The following COL6A6 variants were observed in gnomAD, a reference collection of about 807,000 sequenced individuals.
COL6A6 encodes collagen alpha-6(VI) chain.
Under a neutral mutation model 208.6 loss-of-function variants are expected in COL6A6, and 183 were observed. That is an observed-to-expected ratio of 0.88 (90% confidence interval 0.78 to 0.99). The LOEUF (loss-of-function observed/expected upper bound fraction) is 0.99, where lower values mean the gene tolerates loss of function less well. COL6A6 is among the 50% of genes least tolerant of loss of function. COL6A6 has a pLI of 0.00. For synonymous variants in COL6A6, 973 were observed against 1,011.8 expected, an observed-to-expected ratio of 0.96 and a Z score of 0.73; for missense variants, 2,816 against 2,815.2, an observed-to-expected ratio of 1.00 and a Z score of -0.01.
rs34491196 is a variant in COL6A6, at chr3:130,517,313, C to T, written c.-116C>T. On this transcript the variant is annotated 5_prime_UTR_variant, in exon 1 of 37. Coordinates refer to ENST00000358511, the MANE Select transcript of COL6A6 (RefSeq NM_001102608.3). ...AAACTCTGCGCTCCCCGCGGTGCGC[C>T]CTGCCCGCGCAGTGCGCGTCCAGAG... is the stretch of plus-strand genomic sequence containing the variant. Among the ~76,000 whole-genome samples the T allele has an allele frequency of 0.22, 34,096 of 152,252 alleles. 4,142 individuals are homozygous for T. Among genetic ancestry groups the T allele is most frequent in the African/African-American group, 0.31 (12,867 of 41,558 alleles).
intron 1 of COL6A6, among the ~76,000 whole-genome samples, chr3:130,557,392 T>G (rs1223465386): frequency 2.6e-5 from 4 of 152,214 alleles, no homozygotes; most frequent in African/African-American, 9.7e-5. Flanking sequence ...GTGCCAAGGA[T>G]TTATCCTGCA....
At chr3:130,543,344 A>G (rs1364413722) in intron 1 of COL6A6, among the ~76,000 whole-genome samples, 1 of 152,190 alleles carries the variant, frequency 6.6e-6, no homozygotes, top group Non-Finnish European at 1.5e-5. Context: ...TCAAATGATT[A>G]TTGATATAGT....
At position 130,568,237 on chromosome 3, in the gene COL6A6, A is replaced by G; in HGVS notation, c.2034A>G (p.Arg678=). ...DINKEEFQLN[R]FMSQSDISNA... Reference sequence around the variant, plus strand: ...ATAAGGAAGAGTTTCAGCTCAACAGATTCATGTCCCAAAGCGACATTTCAA... The same window carrying G: ...ATAAGGAAGAGTTTCAGCTCAACAGGTTCATGTCCCAAAGCGACATTTCAA... The change falls in exon 6 of 37, where the codon AGA becomes AGG. Residue 678 remains arginine (R), a synonymous_variant. Transcript: ENST00000358511. 1 of 1,614,010 alleles carries G rather than the reference A, an allele frequency of 6.2e-7. No homozygotes were observed. The highest frequency in any genetic ancestry group is 8.5e-7 in the Non-Finnish European group (1 of 1,179,890).
intron 33 of COL6A6, among the ~76,000 whole-genome samples, chr3:130,652,903 G>C (rs2065685012): frequency 6.6e-6 from 1 of 152,142 alleles, no homozygotes; most frequent in African/African-American, 2.4e-5. Context: ...CATGAAATTT[G>C]GTACCTGTGC....
At chr3:130,616,278 G>C (rs1313452508) in intron 23 of COL6A6, among the ~76,000 whole-genome samples, 1 of 152,078 alleles carries the variant, frequency 6.6e-6, no homozygotes, top group East Asian at 1.9e-4. Flanking sequence ...TGAGTGCTTT[G>C]TAATTTCAGG....
chr3:130,658,783 C>G lies in COL6A6; in HGVS notation c.5830+11C>G, dbSNP rs2065866935. 1 of 1,596,338 alleles carries G rather than the reference C, an allele frequency of 6.3e-7. No individual in the cohort carries two copies. Among genetic ancestry groups the G allele is most frequent in the Non-Finnish European group, 8.6e-7 (1 of 1,166,158 alleles). Reference sequence around the variant, plus strand: ...GCACTTTCTGCTATGGTAAGACCCACAGAGAGAAGGTAATTTGGTCAGGCC... The same window carrying G: ...GCACTTTCTGCTATGGTAAGACCCAGAGAGAGAAGGTAATTTGGTCAGGCC... On this transcript the variant is annotated intron_variant, in intron 34 of 36. Transcript: ENST00000358511.
chr3:130,596,972 A>G (rs558614845), intron 18 of COL6A6, among the ~76,000 whole-genome samples: 11 of 152,360 alleles, frequency 7.2e-5, no homozygotes, highest in African/African-American at 2.6e-4. Flanking sequence ...GTATACGTAT[A>G]GAAAGACTAA....
rs780295642 is a variant in COL6A6 at position 130,567,926 on chromosome 3, T to C, written c.1844-121T>C. 6 of 676,474 alleles carry C rather than the reference T, an allele frequency of 8.9e-6. No homozygotes were observed. The Admixed American group carries it at 1.2e-4, about 13-fold the overall frequency. The allele number at this position is 676,474 out of a possible 1,614,324, so 41.9% of individuals were successfully genotyped here. On this transcript the variant is annotated intron_variant, in intron 5 of 36. Transcript: ENST00000358511. Reference sequence around the variant, plus strand: ...TTATTGTCTTCTAAGCTTTATTTACTACTAATTATTACTAAGTACACATGT... The same window carrying C: ...TTATTGTCTTCTAAGCTTTATTTACCACTAATTATTACTAAGTACACATGT...
intron 12 of COL6A6, among the ~76,000 whole-genome samples, chr3:130,589,610 T>C (rs2063626129): frequency 4.6e-5 from 7 of 152,192 alleles, no homozygotes; most frequent in Admixed American, 4.6e-4. Context: ...ATCAGATCAC[T>C]CTCTTATAGC....
At chr3:130,542,306 T>G (rs1374257984) in intron 1 of COL6A6, among the ~76,000 whole-genome samples, 1 of 152,176 alleles carries the variant, frequency 6.6e-6, no homozygotes, top group Non-Finnish European at 1.5e-5. Flanking sequence ...GGAAGTATGT[T>G]GTTTTATCGC....
chr3:130,548,345 T>C (rs533925947), intron 1 of COL6A6, among the ~76,000 whole-genome samples: 54 of 152,344 alleles, frequency 3.5e-4, no homozygotes, highest in Admixed American at 6.5e-4. Flanking sequence ...AGTTAGCCTG[T>C]GTTTTTTGGA....
chr3:130,523,591 C>A (rs150608223), intron 1 of COL6A6, among the ~76,000 whole-genome samples: 29 of 152,070 alleles, frequency 1.9e-4, no homozygotes, highest in Non-Finnish European at 3.7e-4. Context: ...GTTCCTGACA[C>A]CTAAGTTGGT....
rs753637107 is a variant in COL6A6 at position 130,649,333 on chromosome 3, G to T, written c.5504G>T (p.Arg1835Ile). 1.2e-6 allele frequency: 2 copies of T among 1,609,640 alleles called. No homozygotes were observed. Among genetic ancestry groups the T allele is most frequent in the Non-Finnish European group, 1.7e-6 (2 of 1,178,168 alleles). The change falls in exon 33 of 37, where the codon AGA becomes ATA. Residue 1835 changes from arginine (R) to isoleucine (I), a missense_variant. By Grantham distance (97) the Arg-to-Ile change is moderately conservative. Transcript: ENST00000358511. Reference protein sequence around the residue: ...LREIETIPYERSSASREIGRA... With the variant: ...LREIETIPYEISSASREIGRA... ...GAAATTGAAACTATTCCTTATGAGA[G>T]ATCCTCTGCCAGCAGGGAGATTGGC...
At chr3:130,541,286 A>G (rs905303853) in intron 1 of COL6A6, among the ~76,000 whole-genome samples, 1 of 152,238 alleles carries the variant, frequency 6.6e-6, no homozygotes. Flanking sequence ...TCACTTAGCA[A>G]TAAACACTTG....
rs536865272 is a variant in COL6A6 at position 130,609,298 on chromosome 3, A to G, written c.4752+334A>G. ...GGAATTGTGGTCAATTTAGCACAGT[A>G]ATAGTTCAGTGTTACATATCTTGGT... On this transcript the variant is annotated intron_variant, in intron 22 of 36. Transcript: ENST00000358511. Among the ~76,000 whole-genome samples, 6 of 152,318 alleles carry G rather than the reference A, an allele frequency of 3.9e-5. No individual in the cohort carries two copies. The East Asian group carries it at 1.2e-3, about 29-fold the overall frequency.
rs1271358906 is a variant in COL6A6, at chr3:130,599,746, T to C, written c.4600-11T>C. The C allele has an allele frequency of 1.9e-6, 3 of 1,613,546 alleles. No individual in the cohort carries two copies. The highest frequency in any genetic ancestry group is 3.3e-5 in the Admixed American group (2 of 59,988). ...TAATTACCGTCACACATCTGTCTGT[T>C]CCTTTGACAGGGCAGAAGAGGCTGG... On this transcript the variant is annotated splice_polypyrimidine_tract_variant and intron_variant, in intron 19 of 36. Transcript: ENST00000358511.
chr3:130,635,803 T>C, intron 28 of COL6A6, 42 bp downstream of exon 28: 1 of 1,365,954 alleles, frequency 7.3e-7, no homozygotes, highest in Non-Finnish European at 1.0e-6. Context: ...CTCACTACAT[T>C]GGGAAGTCCT....
rs373596984 is a variant in COL6A6, at chr3:130,606,879, A to G, written c.4654-52A>G. 5.6e-4 allele frequency: 826 copies of G among 1,468,784 alleles called. 3 individuals are homozygous for G. Among genetic ancestry groups the G allele is most frequent in the Middle Eastern group, 7.0e-4 (4 of 5,744 alleles). 91.0% of individuals were successfully genotyped at this position (1,468,784 alleles called of 1,614,324 possible). A position where few individuals can be genotyped will look rare whatever the true frequency, so the allele number is the denominator to read the frequency against. On this transcript the variant is annotated intron_variant, in intron 20 of 36. Transcript: ENST00000358511. ...TGTCCATTATGAATTTAAATCATATATAAAAAGCATTTTTTCTGAATTAAT... is the reference window on the plus strand; with the variant it reads ...TGTCCATTATGAATTTAAATCATATGTAAAAAGCATTTTTTCTGAATTAAT...
intron 33 of COL6A6, among the ~76,000 whole-genome samples, chr3:130,652,090 A>G (rs1263093280): frequency 1.3e-5 from 2 of 152,184 alleles, no homozygotes; most frequent in Non-Finnish European, 1.5e-5. Context: ...TGATTATCTG[A>G]TTATTTTTCC....
Sources: gnomAD v4.1 joint callset for allele counts (sites outside exome capture counted in the v4.1 genomes callset) on GRCh38, gnomAD v4.1.1 for gene constraint, MANE v1.5 for transcripts, NCBI Gene and HGNC (gene_info 2026-07-23, HGNC 2026-07-21) for gene names.